Variants in EXOC4 observed in about 807,000 individuals in gnomAD.
EXOC4 encodes the protein SEC8-like 1.
A neutral mutation model predicts 107.2 loss-of-function variants in EXOC4; 71 were observed. That is an observed-to-expected ratio of 0.66 (90% CI 0.55 to 0.81). The LOEUF is 0.81. EXOC4 is among the 30% of genes least tolerant of loss of function. The pLI is 0.00. For synonymous variants in EXOC4, 456 were observed against 441.2 expected (o/e 1.03, Z -0.42); for missense variants, 1,108 against 1,189.6 (o/e 0.93, Z 1.01).
intron 10 of EXOC4, among the ~76,000 whole-genome samples, chr7:133,721,174 T>G (rs1229064339): frequency 1.3e-5 from 2 of 152,194 alleles, no homozygotes; most frequent in African/African-American, 4.8e-5. Context: ...TTTCATTTTT[T>G]TCATTAAGAT....
At chr7:133,287,369 G>T (rs1794305337) in intron 2 of EXOC4, among the ~76,000 whole-genome samples, 1 of 151,972 alleles carries the variant, frequency 6.6e-6, no homozygotes, top group Non-Finnish European at 1.5e-5. Context: ...GGAGTGCAGT[G>T]GCACGATCTC....
At chr7:133,408,078 A>AGATGAT (rs1797264116) in intron 7 of EXOC4, among the ~76,000 whole-genome samples, 1 of 152,082 alleles carries the variant, frequency 6.6e-6, no homozygotes, top group African/African-American at 2.4e-5. Flanking sequence ...ATGGTGTAAT[A>AGATGAT]GATGATGATG....
intron 5 of EXOC4, among the ~76,000 whole-genome samples, chr7:133,325,327 A>C (rs1404013401): frequency 6.6e-6 from 1 of 152,148 alleles, no homozygotes; most frequent in Non-Finnish European, 1.5e-5. Flanking sequence ...ACAGTTTGGC[A>C]TGTTTTTGCA....
intron 10 of EXOC4, among the ~76,000 whole-genome samples, chr7:133,739,125 C>T (rs1192395118): frequency 6.6e-6 from 1 of 151,718 alleles, no homozygotes; most frequent in Non-Finnish European, 1.5e-5. Context: ...TAGGACTATA[C>T]TTTTTCTAAT....
intron 10 of EXOC4, among the ~76,000 whole-genome samples, chr7:133,723,129 T>C (rs79031615): frequency 0.017 from 2,604 of 152,362 alleles, 47 homozygotes; most frequent in Non-Finnish European, 0.026. Flanking sequence ...TGAATATATT[T>C]GTGCTACATG....
At chr7:133,639,038 C>T (rs191299084) in intron 10 of EXOC4, among the ~76,000 whole-genome samples, 1 of 152,288 alleles carries the variant, frequency 6.6e-6, no homozygotes, top group Admixed American at 6.5e-5. Flanking sequence ...GCTTATTCAG[C>T]ATTTGACGAA....
the EXOC4 span, among the ~76,000 whole-genome samples, chr7:134,092,525 T>C: frequency 4.6e-5 from 7 of 152,136 alleles, no homozygotes; most frequent in African/African-American, 1.7e-4. Context: ...GCAGAAACCT[T>C]ATAAGCCAGA....
At chr7:133,772,526 T>TA (rs59601566) in intron 10 of EXOC4, among the ~76,000 whole-genome samples, 86 of 150,236 alleles carry the variant, frequency 5.7e-4, no homozygotes, top group African/African-American at 2.0e-3. Flanking sequence ...ACTTAAAGTA[T>TA]AAAAAAAAAA....
intron 9 of EXOC4, among the ~76,000 whole-genome samples, chr7:133,507,531 G>A (rs1233264603): frequency 6.6e-6 from 1 of 152,178 alleles, no homozygotes; most frequent in East Asian, 1.9e-4. Flanking sequence ...GTTGAGATGT[G>A]CTCTCAAGAT....
At chr7:133,603,930 C>T (rs1563123545) in intron 9 of EXOC4, among the ~76,000 whole-genome samples, 1 of 152,080 alleles carries the variant, frequency 6.6e-6, no homozygotes, top group Non-Finnish European at 1.5e-5. Flanking sequence ...CAGCTTAAAA[C>T]ACAAACACAG....
intron 14 of EXOC4, among the ~76,000 whole-genome samples, chr7:133,993,861 A>T (rs1794316403): frequency 6.6e-6 from 1 of 152,226 alleles, no homozygotes; most frequent in Admixed American, 6.5e-5. Context: ...CCCAAAAGCC[A>T]CAAAAGACTC....
intron 10 of EXOC4, among the ~76,000 whole-genome samples, chr7:133,705,374 A>C (rs1794747238): frequency 6.6e-6 from 1 of 152,228 alleles, no homozygotes; most frequent in Non-Finnish European, 1.5e-5. Context: ...CTCAAAAAAT[A>C]AGAAGAAGAA....
chr7:133,286,219 G>T (rs1457254521), intron 2 of EXOC4, among the ~76,000 whole-genome samples: 3 of 152,024 alleles, frequency 2.0e-5, no homozygotes, highest in Admixed American at 1.3e-4. Flanking sequence ...GTGTTTTCCT[G>T]TTTGGAGATT....
Position 133,619,600 on chromosome 7 carries a change from C to T in EXOC4, c.1418-10445C>T, listed in dbSNP as rs370184816. 1.4e-4 allele frequency among the ~76,000 whole-genome samples: 22 copies of T among 152,288 alleles called. No homozygotes were observed. The East Asian group carries it at 3.3e-3, about 23-fold the overall frequency. On this transcript the variant is annotated intron_variant, in intron 9 of 17. Coordinates refer to ENST00000253861, the MANE Select transcript of EXOC4 (RefSeq NM_021807.4). ...CTTTAGGTCAGCAATGAGATGGGCT[C>T]ACCTGATTAGAGAACTTCATGGCAT...
At chr7:133,884,620 T>TGTGTGCGC (rs942323507) in intron 11 of EXOC4, among the ~76,000 whole-genome samples, 6 of 142,328 alleles carry the variant, frequency 4.2e-5, no homozygotes, top group African/African-American at 1.5e-4. Context: ...TGTGTGTGTG[T>TGTGTGCGC]GCGCGCGTGT....
chr7:133,760,255 C>T (rs183751333), intron 10 of EXOC4, among the ~76,000 whole-genome samples: 6 of 152,148 alleles, frequency 3.9e-5, no homozygotes, highest in African/African-American at 1.2e-4. Context: ...AAGAAAGTAA[C>T]GTTTTGAATG....
chr7:134,044,464 T>C (rs1244181835), intron 17 of EXOC4, among the ~76,000 whole-genome samples: 1 of 152,210 alleles, frequency 6.6e-6, no homozygotes, highest in Non-Finnish European at 1.5e-5. Flanking sequence ...TGCTGCTGTT[T>C]GAACAGTGTC....
At chr7:133,644,004 G>A (rs1040041923) in intron 10 of EXOC4, among the ~76,000 whole-genome samples, 12 of 152,282 alleles carry the variant, frequency 7.9e-5, no homozygotes, top group Non-Finnish European at 1.2e-4. Context: ...TCAGTAATGC[G>A]GTAGGCTTCT....
At chr7:133,504,582 G>T (rs191114634) in intron 9 of EXOC4, among the ~76,000 whole-genome samples, 3 of 152,100 alleles carry the variant, frequency 2.0e-5, no homozygotes, top group Admixed American at 2.0e-4. Context: ...AGTTTATATC[G>T]TGGTAGATGA....
Sources: gnomAD v4.1 joint callset for allele counts (sites outside exome capture counted in the v4.1 genomes callset) on GRCh38, gnomAD v4.1.1 for gene constraint, MANE v1.5 for transcripts, NCBI Gene and HGNC (gene_info 2026-07-23, HGNC 2026-07-21) for gene names.